The following PRPF40B variants were observed in gnomAD, a reference collection of about 807,000 sequenced individuals.
PRPF40B encodes pre-mRNA-processing factor 40 homolog B.
A neutral mutation model predicts 124.5 loss-of-function variants in PRPF40B; 56 were observed. The ratio of observed to expected loss-of-function variants is 0.45; its 90% CI spans 0.36 to 0.56. PRPF40B has a LOEUF of 0.56. PRPF40B is among the 20% of genes least tolerant of loss of function. The probability of loss-of-function intolerance (pLI) is 0.00; values close to 1 mark genes in which losing one functional copy is unlikely to be tolerated. For synonymous variants in PRPF40B, 443 were observed against 426.4 expected, an observed-to-expected ratio of 1.04 and a Z score of -0.48; for missense variants, 1,053 against 1,169.5, an observed-to-expected ratio of 0.90 and a Z score of 1.45.
Position 49,632,996 on chromosome 12 carries a change from G to GCGGGGCCCCCCCCC in PRPF40B, c.349-17_349-16insGGGGCCCCCCCCCC. On this transcript the variant is annotated splice_polypyrimidine_tract_variant and intron_variant, in intron 6 of 25. Transcript: ENST00000548825. ...AAAGGGGCCTTGACCACCATTCTGT[G>GCGGGGCCCCCCCCC]CCCCCCCCCCCACCCAGAGGGCCCT... 1 of 1,147,398 alleles carries GCGGGGCCCCCCCCC rather than the reference G, an allele frequency of 8.7e-7. No homozygotes were observed. The highest frequency in any genetic ancestry group is 1.2e-6 in the Non-Finnish European group (1 of 823,012). The allele number at this position is 1,147,398 out of a possible 1,614,324, so 71.1% of individuals were successfully genotyped here.
In PRPF40B at chr12:49,642,409, C is replaced by T. The variant is rs201210881; in HGVS notation, c.2022+37C>T. ...AGCCTGGCCCCAAGCACCCCTCAAGCCTGAGGGCAGCGGTGCTTCACCACT... is the reference window on the plus strand; with the variant it reads ...AGCCTGGCCCCAAGCACCCCTCAAGTCTGAGGGCAGCGGTGCTTCACCACT... On this transcript the variant is annotated intron_variant, in intron 20 of 25. Coordinates refer to ENST00000548825, the MANE Select transcript of PRPF40B (RefSeq NM_001031698.3). This position sits in a 1 kb window ranked among gnomAD's most constrained non-coding sequence, Gnocchi z 5.8. The T allele has an allele frequency of 5.0e-6, 8 of 1,608,538 alleles. No individual in the cohort carries two copies. The African/African-American group carries it at 1.1e-4, about 21-fold the overall frequency.
At chr12:49,640,831 G>GA (rs751937140) in intron 18 of PRPF40B, 1 of 152,216 alleles carries the variant, frequency 6.6e-6, no homozygotes, top group African/African-American at 2.4e-5. Context: ...GAGCATGGTG[G>GA]AAAGGATGTT....
In PRPF40B at chr12:49,642,878, C is replaced by T. The variant is rs752709137; in HGVS notation, c.2119-52C>T. The T allele has an allele frequency of 9.6e-6, 15 of 1,564,470 alleles. No homozygotes were observed. The South Asian group carries it at 1.7e-4, about 18-fold the overall frequency. On this transcript the variant is annotated intron_variant, in intron 21 of 25. Coordinates refer to ENST00000548825, the MANE Select transcript of PRPF40B (RefSeq NM_001031698.3). This position sits in a 1 kb window ranked among gnomAD's most constrained non-coding sequence, Gnocchi z 5.8. ...CCAGATTTTAGGAAGTAGGATCCTT[C>T]CTGGGGCTAAGTCTGGTGCTGTCCT...
intron 4 of PRPF40B, 102 bp downstream of exon 4, chr12:49,632,027 G>T: frequency 8.4e-7 from 1 of 1,194,492 alleles, no homozygotes; most frequent in African/African-American, 1.5e-5. Flanking sequence ...TCTTCTCATC[G>T]CATCCACCCA....
upstream of PRPF40B, chr12:49,623,322 G>C (rs1441397680): frequency 5.7e-6 from 1 of 176,724 alleles, no homozygotes; most frequent in Non-Finnish European, 1.2e-5. Flanking sequence ...AGTCAGAGGC[G>C]GGAGCAGGCG....
chr12:49,635,254 C>A lies in PRPF40B; in HGVS notation c.1157C>A (p.Thr386Asn). The stretch of plus-strand genomic sequence containing the variant: ...CAGCATGAACGCATGACCTCCACCA[C>A]CCGCTACCGGTCAGGGGGCCAGGCT... ...LEQHERMTST[T>N]RYRRAEQTFG... The change falls in exon 13 of 26, where the codon ACC becomes AAC. Residue 386 changes from threonine to asparagine, a missense_variant. Around this residue, in one of 2 missense-constraint regions of PRPF40B, gnomAD observed 895 missense variants for 1,052.2 expected, o/e 0.85. Coordinates refer to ENST00000548825, the MANE Select transcript of PRPF40B (RefSeq NM_001031698.3). The surrounding 1 kb of genome is among the most constrained non-coding windows in gnomAD (Gnocchi z 4.1). 6.2e-7 allele frequency: 1 copy of A among 1,613,204 alleles called. No individual in the cohort carries two copies. The highest frequency in any genetic ancestry group is 8.5e-7 in the Non-Finnish European group (1 of 1,179,512).
At chr12:49,630,710 C>T (rs1336351225) in intron 2 of PRPF40B, 85 bp downstream of exon 2, 2 of 660,494 alleles carry the variant, frequency 3.0e-6, no homozygotes. Context: ...GCATCACCAG[C>T]ACAGTTTTCC....
rs934936710 is a variant in PRPF40B, at chr12:49,642,771, C to T, written c.2118+96C>T. On this transcript the variant is annotated intron_variant, in intron 21 of 25. Coordinates refer to ENST00000548825, the MANE Select transcript of PRPF40B (RefSeq NM_001031698.3). The surrounding 1 kb of genome is among the most constrained non-coding windows in gnomAD (Gnocchi z 5.8). Reference sequence around the variant, plus strand: ...AGTGGCCTCCCTCTTACCCTTAGGGCACTCCTGGCCAGCTAAGGAAGGGGA... The same window carrying T: ...AGTGGCCTCCCTCTTACCCTTAGGGTACTCCTGGCCAGCTAAGGAAGGGGA... 1.9e-5 allele frequency: 27 copies of T among 1,440,148 alleles called. No individual in the cohort carries two copies. The African/African-American group carries it at 2.4e-4, about 13-fold the overall frequency. The allele number at this position is 1,440,148 out of a possible 1,614,324, so 89.2% of individuals were successfully genotyped here. A position where few individuals can be genotyped will look rare whatever the true frequency, so the allele number is the denominator to read the frequency against.
rs946206565 is a variant in PRPF40B, at chr12:49,631,998, A to C, written c.294+73A>C. The C allele has an allele frequency of 7.2e-7, 1 of 1,394,184 alleles. No homozygotes were observed. The allele number at this position is 1,394,184 out of a possible 1,614,324, so 86.4% of individuals were successfully genotyped here. On this transcript the variant is annotated intron_variant, in intron 4 of 25. Coordinates refer to ENST00000548825, the MANE Select transcript of PRPF40B (RefSeq NM_001031698.3). The surrounding 1 kb of genome is among the most constrained non-coding windows in gnomAD (Gnocchi z 4.3). Reference sequence around the variant, plus strand: ...TGAGTCTGACTTGGAATGCAGGACTATGACCTCCATTCTTTCCCTCTTCTC... The same window carrying C: ...TGAGTCTGACTTGGAATGCAGGACTCTGACCTCCATTCTTTCCCTCTTCTC...
upstream of PRPF40B, chr12:49,623,485 G>A: frequency 8.4e-7 from 1 of 1,192,024 alleles, no homozygotes; most frequent in Non-Finnish European, 1.1e-6. Flanking sequence ...GCCACGAAGG[G>A]GTGCGACCCC....
chr12:49,632,399 T>G lies in PRPF40B; in HGVS notation c.295-197T>G, dbSNP rs80309729. ...ACTCTCACTTGAGGAGAACGAAGAA[T>G]GGAGCTGCTATGCGATTCTCCCTTG... On this transcript the variant is annotated intron_variant, in intron 4 of 25. Coordinates refer to ENST00000548825, the MANE Select transcript of PRPF40B (RefSeq NM_001031698.3). The G allele has an allele frequency of 3.1e-3, 2,008 of 640,530 alleles. 23 individuals are homozygous for G. In the African/African-American group the frequency reaches 0.033, roughly 10 times the overall value. The allele number at this position is 640,530 out of a possible 1,614,324, so 39.7% of individuals were successfully genotyped here.
chr12:49,634,796 G>A (rs909635747), intron 12 of PRPF40B, 194 bp downstream of exon 12: 29 of 657,554 alleles, frequency 4.4e-5, no homozygotes, highest in South Asian at 7.9e-5. Flanking sequence ...GACACAACAC[G>A]TTCAATAAAT....
At position 49,643,931 on chromosome 12, in the gene PRPF40B, A is replaced by G. The variant is rs1218269440; in HGVS notation, c.2513A>G (p.Gln838Arg). 3.1e-6 allele frequency: 5 copies of G among 1,614,138 alleles called. No individual in the cohort carries two copies. The highest frequency in any genetic ancestry group is 4.2e-6 in the Non-Finnish European group (5 of 1,180,058). Reference sequence around the variant, plus strand: ...GAGAGCGATGAGAAAGAACAAGAACAGGACAAGGACAGGGAGCTCCAACAG... The same window carrying G: ...GAGAGCGATGAGAAAGAACAAGAACGGGACAAGGACAGGGAGCTCCAACAG... ...GKESDEKEQEQDKDRELQQAE... is the reference protein window; with the variant it reads ...GKESDEKEQERDKDRELQQAE... Residue 838 changes from glutamine (Q) to arginine (R), a missense_variant, in exon 25 of 26, where the codon CAG (glutamine) becomes CGG (arginine). Around this residue, in one of 2 missense-constraint regions of PRPF40B, gnomAD observed 895 missense variants for 1,052.2 expected, o/e 0.85. Transcript: ENST00000548825.
Position 49,636,746 on chromosome 12 carries a change from T to C in PRPF40B, c.1457T>C (p.Phe486Ser), listed in dbSNP as rs1384865325. The C allele has an allele frequency of 6.2e-7, 1 of 1,614,198 alleles. No individual in the cohort carries two copies. Among genetic ancestry groups the C allele is most frequent in the South Asian group, 1.1e-5 (1 of 91,080 alleles). Residue 486 changes from phenylalanine to serine, a missense_variant, in exon 16 of 26, where the codon TTT becomes TCT. Physicochemically the swap from Phe to Ser is radical, Grantham distance 155 (BLOSUM62 -2). This residue lies in a region of PRPF40B where 895 missense variants were observed against 1,052.2 expected (regional missense o/e 0.85). Coordinates refer to ENST00000548825, the MANE Select transcript of PRPF40B (RefSeq NM_001031698.3). Reference protein sequence around the residue: ...NMDKEDALICFEEHIRALERE... With the variant: ...NMDKEDALICSEEHIRALERE... ...GACAAGGAAGATGCACTGATCTGTTTTGAGGAGCACATCCGAGCTTTGGAG... is the reference window on the plus strand; with the variant it reads ...GACAAGGAAGATGCACTGATCTGTTCTGAGGAGCACATCCGAGCTTTGGAG...
Position 49,635,851 on chromosome 12 carries a change from C to G in PRPF40B, c.1284C>G (p.Ala428=). 1 of 1,613,842 alleles carries G rather than the reference C, an allele frequency of 6.2e-7. No homozygotes were observed. Residue 428 remains alanine, a synonymous_variant, in exon 15 of 26, where the codon GCC becomes GCG. Coordinates refer to ENST00000548825, the MANE Select transcript of PRPF40B (RefSeq NM_001031698.3). The surrounding 1 kb of genome is among the most constrained non-coding windows in gnomAD (Gnocchi z 4.1). ...ATCCTGTGGCTCCCTAGGAACAGGC[C>G]AAGCAGCTCCGGCGCCGCAATATCC... The part of the protein sequence containing the change: ...FFLAKKEKEQ[A]KQLRRRNIQA...
intron 1 of PRPF40B, among the ~76,000 whole-genome samples, chr12:49,627,516 G>A (rs1411924214): frequency 1.3e-5 from 2 of 152,130 alleles, no homozygotes; most frequent in Non-Finnish European, 2.9e-5. Context: ...GTTTTCTCAG[G>A]CAAAGGTGGA....
At chr12:49,643,131 C>A (rs1210607161) in intron 22 of PRPF40B, 92 bp from the exon 23 acceptor site, 2 of 1,585,478 alleles carry the variant, frequency 1.3e-6, no homozygotes, top group Non-Finnish European at 1.7e-6. Flanking sequence ...ATTCCTTTGG[C>A]CCTGGGTCCT....
At chr12:49,636,124 C>G in intron 15 of PRPF40B, 131 bp downstream of exon 15, 1 of 1,157,120 alleles carries the variant, frequency 8.6e-7, no homozygotes, top group South Asian at 1.5e-5. Context: ...TCAACACTCA[C>G]CCAGTCCTTG....
At position 49,642,281 on chromosome 12, in the gene PRPF40B, A is replaced by C. The variant is rs144093609; in HGVS notation, c.1931A>C (p.Glu644Ala). The change falls in exon 20 of 26, where the codon GAG becomes GCG. Residue 644 changes from glutamate to alanine, a missense_variant. Physicochemically the swap from Glu to Ala is moderately radical, Grantham distance 107 (BLOSUM62 -1). This residue lies in a region of PRPF40B where 895 missense variants were observed against 1,052.2 expected (regional missense o/e 0.85). Coordinates refer to ENST00000548825, the MANE Select transcript of PRPF40B (RefSeq NM_001031698.3). This position sits in a 1 kb window ranked among gnomAD's most constrained non-coding sequence, Gnocchi z 5.8. ...CGGGAGAGGGAGCGGGAGAAGGAGGAGGCACGCAGGATGCGGCGCAGGGAA... is the reference window on the plus strand; with the variant it reads ...CGGGAGAGGGAGCGGGAGAAGGAGGCGGCACGCAGGATGCGGCGCAGGGAA... The part of the protein sequence containing the change: ...EAREREREKE[E>A]ARRMRRREAA... 2.3e-4 allele frequency: 377 copies of C among 1,614,162 alleles called. 3 individuals carry two copies. The highest frequency in any genetic ancestry group is 1.3e-3 in the Middle Eastern group (8 of 6,062).
Sources: gnomAD v4.1 joint callset for allele counts (sites outside exome capture counted in the v4.1 genomes callset) on GRCh38, gnomAD v4.1.1 for gene constraint, gnomAD v4.1.1 regional missense constraint, Gnocchi (gnomAD v3.1) non-coding constraint, MANE v1.5 for transcripts, NCBI Gene and HGNC (gene_info 2026-07-23, HGNC 2026-07-21) for gene names.